The following CACNB2 variants were observed in gnomAD, a reference collection of about 807,000 sequenced individuals.
CACNB2 encodes voltage-dependent L-type calcium channel subunit beta-2.
In CACNB2, 42 loss-of-function variants were observed where a neutral mutation model predicts 73.3. The observed-to-expected ratio is 0.57, with a 90% CI of 0.45 to 0.74. The LOEUF (loss-of-function observed/expected upper bound fraction) is 0.74, where lower values mean the gene tolerates loss of function less well. Ranked by LOEUF, CACNB2 falls within the 30% of genes least tolerant of loss-of-function variation. CACNB2 has a pLI of 0.00. For synonymous variants in CACNB2, 348 were observed against 310.3 expected (o/e 1.12, Z -1.28); for missense variants, 940 against 853.0 (o/e 1.10, Z -1.27).
intron 2 of CACNB2, among the ~76,000 whole-genome samples, chr10:18,165,671 A>T (rs147749518): frequency 2.0e-5 from 3 of 152,314 alleles, no homozygotes; most frequent in African/African-American, 7.2e-5. Context: ...CAAGACCACT[A>T]TTATGCCAGG....
At chr10:18,518,225 T>C in intron 7 of CACNB2, 111 bp from the exon 8 acceptor site, 1 of 794,758 alleles carries the variant, frequency 1.3e-6, no homozygotes, top group Non-Finnish European at 2.3e-6. Flanking sequence ...AAATAAAATG[T>C]CTGGAAAGCC....
At chr10:18,148,699 A>G (rs1463808660) in intron 1 of CACNB2, among the ~76,000 whole-genome samples, 1 of 152,196 alleles carries the variant, frequency 6.6e-6, no homozygotes, top group Non-Finnish European at 1.5e-5. Context: ...TGTTCATTTA[A>G]AAACGGTACT....
chr10:18,377,503 C>G (rs1179074946), intron 2 of CACNB2, among the ~76,000 whole-genome samples: 1 of 152,210 alleles, frequency 6.6e-6, no homozygotes, highest in African/African-American at 2.4e-5. Context: ...TCGTACAAGA[C>G]TAAGTGTGGC....
intron 2 of CACNB2, among the ~76,000 whole-genome samples, chr10:18,392,898 T>G (rs941018890): frequency 1.1e-4 from 17 of 152,246 alleles, no homozygotes; most frequent in African/African-American, 4.1e-4. Context: ...TATAAAAAAT[T>G]ATATTAGCAT....
At chr10:18,523,430 C>G (rs2052124238) in intron 9 of CACNB2, among the ~76,000 whole-genome samples, 1 of 152,124 alleles carries the variant, frequency 6.6e-6, no homozygotes, top group Non-Finnish European at 1.5e-5. Context: ...TATCAGCCAC[C>G]CAGATTGGTT....
chr10:18,412,552 A>C (rs956139584), intron 3 of CACNB2, among the ~76,000 whole-genome samples: 1 of 152,178 alleles, frequency 6.6e-6, no homozygotes, highest in Non-Finnish European at 1.5e-5. Flanking sequence ...GTGACTTCCT[A>C]ATCACAAAGC....
At chr10:18,368,487 T>C (rs2042445551) in intron 2 of CACNB2, among the ~76,000 whole-genome samples, 1 of 152,200 alleles carries the variant, frequency 6.6e-6, no homozygotes. Flanking sequence ...ATTGCCTGCA[T>C]CACATGTGGC....
intron 7 of CACNB2, chr10:18,515,030 T>A: frequency 6.2e-7 from 1 of 1,613,644 alleles, no homozygotes; most frequent in Non-Finnish European, 8.5e-7. Context: ...AGGCTTGTTT[T>A]GGCGGTTTAC....
At chr10:18,359,905 C>T (rs941190555) in intron 2 of CACNB2, among the ~76,000 whole-genome samples, 5 of 152,064 alleles carry the variant, frequency 3.3e-5, no homozygotes, top group South Asian at 2.1e-4. Context: ...GTGAGTGGTA[C>T]TAAAGAGTCC....
intron 3 of CACNB2, among the ~76,000 whole-genome samples, chr10:18,458,104 G>A (rs986512286): frequency 1.3e-5 from 2 of 152,136 alleles, no homozygotes; most frequent in South Asian, 2.1e-4. Flanking sequence ...CTATCTCATT[G>A]TCTTTTATGA....
chr10:18,327,078 G>A (rs2040615662), intron 2 of CACNB2, among the ~76,000 whole-genome samples: 2 of 152,028 alleles, frequency 1.3e-5, no homozygotes, highest in Admixed American at 1.3e-4. Flanking sequence ...CTTCCTTGAA[G>A]ACTGATAAGT....
At chr10:18,503,675 T>C (rs2050331934) in intron 5 of CACNB2, among the ~76,000 whole-genome samples, 1 of 152,130 alleles carries the variant, frequency 6.6e-6, no homozygotes, top group Admixed American at 6.6e-5. Flanking sequence ...AGGTAGTATA[T>C]CGTTTGTTGA....
intron 2 of CACNB2, among the ~76,000 whole-genome samples, chr10:18,181,592 ATTT>A (rs1164510210): frequency 4.2e-5 from 6 of 142,358 alleles, no homozygotes; most frequent in South Asian, 2.2e-4. Context: ...ATTTTATTTT[ATTT>A]TATTTTATTT....
At chr10:18,289,386 C>G (rs1311926641) in intron 2 of CACNB2, among the ~76,000 whole-genome samples, 2 of 149,362 alleles carry the variant, frequency 1.3e-5, no homozygotes, top group African/African-American at 2.5e-5. Context: ...GCTCCGCCTC[C>G]CGGGTTCATG....
chr10:18,492,460 A>C (rs900696865), intron 3 of CACNB2, among the ~76,000 whole-genome samples: 11 of 152,154 alleles, frequency 7.2e-5, no homozygotes, highest in African/African-American at 2.7e-4. Flanking sequence ...GTCTCTACTA[A>C]AAATACAAAA....
intron 3 of CACNB2, among the ~76,000 whole-genome samples, chr10:18,433,864 A>C (rs946984952): frequency 1.4e-5 from 2 of 144,172 alleles, no homozygotes; most frequent in Non-Finnish European, 3.0e-5. Context: ...CTATTGTCTT[A>C]AATCAGATTT....
At chr10:18,503,143 G>A (rs758357010) in intron 5 of CACNB2, among the ~76,000 whole-genome samples, 2 of 151,794 alleles carry the variant, frequency 1.3e-5, no homozygotes, top group Non-Finnish European at 2.9e-5. Flanking sequence ...ATTTCTTAAT[G>A]AGAAAAAAAA....
chr10:18,183,499 C>T (rs1020420531), intron 2 of CACNB2, among the ~76,000 whole-genome samples: 1 of 152,116 alleles, frequency 6.6e-6, no homozygotes, highest in African/African-American at 2.4e-5. Context: ...GCTGGGGAGG[C>T]CTCACAATCA....
chr10:18,145,322 G>C (rs2030853198), intron 1 of CACNB2, among the ~76,000 whole-genome samples: 1 of 152,152 alleles, frequency 6.6e-6, no homozygotes, highest in Non-Finnish European at 1.5e-5. Context: ...TGAGTTTTCT[G>C]CAGTCTCCAA....
Sources: allele counts gnomAD v4.1 joint callset (sites outside exome capture counted in the v4.1 genomes callset), GRCh38; gene constraint gnomAD v4.1.1; transcripts MANE v1.5; gene names NCBI Gene and HGNC (gene_info 2026-07-23, HGNC 2026-07-21).